The following CNTNAP5 variants were observed in gnomAD, a reference collection of about 807,000 sequenced individuals.
The protein encoded by CNTNAP5 is contactin associated protein family member 5.
CNTNAP5 carries 72 observed loss-of-function variants against 150.2 expected under a neutral mutation model. That is an observed-to-expected ratio of 0.48 (90% CI 0.40 to 0.58). The LOEUF is 0.58. CNTNAP5 is among the 20% of genes least tolerant of loss of function. The pLI is 0.00. For missense variants in CNTNAP5, 1,636 were observed against 1,626.2 expected (o/e 1.01, Z -0.10); for synonymous variants, 672 against 619.8 (o/e 1.08, Z -1.25).
At chr2:124,189,004 T>C (rs1685401224) in intron 1 of CNTNAP5, among the ~76,000 whole-genome samples, 1 of 152,180 alleles carries the variant, frequency 6.6e-6, no homozygotes, top group Non-Finnish European at 1.5e-5. Flanking sequence ...AAGTTTTTCA[T>C]GAATTCTTCA....
At chr2:124,509,519 CTG>C (rs1355859992) in intron 8 of CNTNAP5, among the ~76,000 whole-genome samples, 2 of 152,136 alleles carry the variant, frequency 1.3e-5, no homozygotes, top group Non-Finnish European at 2.9e-5. Flanking sequence ...TCATACAAAA[CTG>C]TAAAAAAACT....
chr2:124,168,272 T>C (rs1245250551), intron 1 of CNTNAP5, among the ~76,000 whole-genome samples: 1 of 152,174 alleles, frequency 6.6e-6, no homozygotes, highest in Non-Finnish European at 1.5e-5. Context: ...CAAATTATCT[T>C]AGGAAGGTGA....
intron 3 of CNTNAP5, among the ~76,000 whole-genome samples, chr2:124,293,134 A>G (rs1688341757): frequency 6.6e-6 from 1 of 151,492 alleles, no homozygotes; most frequent in Admixed American, 6.6e-5. Context: ...TCAGCAAATA[A>G]ATATTTTTAA....
chr2:124,073,971 TGTG>T (rs1682376643), intron 1 of CNTNAP5, among the ~76,000 whole-genome samples: 1 of 152,084 alleles, frequency 6.6e-6, no homozygotes, highest in Admixed American at 6.6e-5. Flanking sequence ...ATGAAGAAAA[TGTG>T]GTACATATAC....
intron 13 of CNTNAP5, among the ~76,000 whole-genome samples, chr2:124,701,933 A>T (rs984805001): frequency 1.3e-5 from 2 of 152,066 alleles, no homozygotes; most frequent in African/African-American, 4.8e-5. Flanking sequence ...TTTTTTCCCA[A>T]CATTTTACTG....
intron 1 of CNTNAP5, among the ~76,000 whole-genome samples, chr2:124,069,872 G>C (rs956858578): frequency 6.6e-5 from 10 of 152,146 alleles, no homozygotes; most frequent in African/African-American, 2.4e-4. Context: ...GGAATAGTAA[G>C]CGCACAGAGA....
chr2:124,718,522 A>T (rs1679989039), intron 13 of CNTNAP5, among the ~76,000 whole-genome samples: 1 of 152,188 alleles, frequency 6.6e-6, no homozygotes, highest in Non-Finnish European at 1.5e-5. Context: ...CTGCCCATTT[A>T]TTGGAAAACA....
At chr2:124,227,662 G>GTGTGTT in intron 2 of CNTNAP5, among the ~76,000 whole-genome samples, 1 of 151,472 alleles carries the variant, frequency 6.6e-6, no homozygotes, top group Non-Finnish European at 1.5e-5. Context: ...GTGTGTGTGT[G>GTGTGTT]TGTGTGTGTG....
At chr2:124,325,563 C>T (rs1689195159) in intron 3 of CNTNAP5, among the ~76,000 whole-genome samples, 1 of 152,062 alleles carries the variant, frequency 6.6e-6, no homozygotes, top group Non-Finnish European at 1.5e-5. Flanking sequence ...ATAAGATAAA[C>T]TGGTAGAAAG....
chr2:124,279,249 C>CTG (rs755251972), intron 3 of CNTNAP5, among the ~76,000 whole-genome samples: 15 of 143,926 alleles, frequency 1.0e-4, no homozygotes, highest in African/African-American at 3.2e-4. Context: ...GTGTGTGTGT[C>CTG]TGTGTGTGTG....
intron 1 of CNTNAP5, among the ~76,000 whole-genome samples, chr2:124,115,232 C>A (rs1430783524): frequency 6.6e-6 from 1 of 151,886 alleles, no homozygotes. Context: ...AAATGAACAC[C>A]CTTTCATAAC....
chr2:124,900,134 G>A (rs1484271889), intron 21 of CNTNAP5, among the ~76,000 whole-genome samples: 1 of 151,310 alleles, frequency 6.6e-6, no homozygotes, highest in African/African-American at 2.5e-5. Context: ...AATTTTGAAG[G>A]TTGAGAACAC....
intron 12 of CNTNAP5, among the ~76,000 whole-genome samples, chr2:124,639,431 AGAGT>A (rs1217857442): frequency 6.6e-6 from 1 of 152,166 alleles, no homozygotes; most frequent in East Asian, 1.9e-4. Flanking sequence ...CCATGAGAGC[AGAGT>A]AAGTAGATGC....
chr2:124,355,918 G>C (rs981237419), intron 3 of CNTNAP5, among the ~76,000 whole-genome samples: 1 of 152,154 alleles, frequency 6.6e-6, no homozygotes, highest in African/African-American at 2.4e-5. Flanking sequence ...TAAAAGAATA[G>C]AGGCAATGCT....
chr2:124,038,755 G>A (rs941700074), intron 1 of CNTNAP5, among the ~76,000 whole-genome samples: 1 of 152,130 alleles, frequency 6.6e-6, no homozygotes, highest in Non-Finnish European at 1.5e-5. Flanking sequence ...CTTCATGTAG[G>A]TACCGTGTGA....
At chr2:124,774,753 C>T in intron 17 of CNTNAP5, among the ~76,000 whole-genome samples, 1 of 152,078 alleles carries the variant, frequency 6.6e-6, no homozygotes, top group Non-Finnish European at 1.5e-5. Context: ...ATGAATCTTT[C>T]TGGCTGAAAG....
intron 1 of CNTNAP5, among the ~76,000 whole-genome samples, chr2:124,131,391 A>G (rs1683839388): frequency 6.6e-6 from 1 of 152,170 alleles, no homozygotes; most frequent in Admixed American, 6.5e-5. Flanking sequence ...CAACAATCTT[A>G]TATCGTAAGT....
intron 1 of CNTNAP5, among the ~76,000 whole-genome samples, chr2:124,041,927 T>A (rs940020337): frequency 1.6e-4 from 24 of 152,150 alleles, no homozygotes; most frequent in Non-Finnish European, 2.8e-4. Context: ...AGTGGGGCCA[T>A]CTCACCTCAC....
At chr2:124,782,955 G>T (rs1681485272) in intron 17 of CNTNAP5, among the ~76,000 whole-genome samples, 1 of 152,174 alleles carries the variant, frequency 6.6e-6, no homozygotes, top group African/African-American at 2.4e-5. Context: ...ACACCAGAAT[G>T]CTGTACAGCT....
Sources: gnomAD v4.1 joint callset for allele counts (sites outside exome capture counted in the v4.1 genomes callset) on GRCh38, gnomAD v4.1.1 for gene constraint, MANE v1.5 for transcripts, NCBI Gene and HGNC (gene_info 2026-07-23, HGNC 2026-07-21) for gene names.